Variants in DYNLRB1 observed in about 807,000 individuals in gnomAD.
The protein encoded by DYNLRB1 is dynein light chain roadblock-type 1, also known as ROBL/LC7-like 1.
DYNLRB1 carries 6 observed loss-of-function variants against 13.5 expected under a neutral mutation model. The ratio of observed to expected loss-of-function variants is 0.44; its 90% CI spans 0.24 to 0.88. The LOEUF (loss-of-function observed/expected upper bound fraction) is 0.88, where lower values mean the gene tolerates loss of function less well. Ranked by LOEUF, DYNLRB1 falls within the 40% of genes least tolerant of loss-of-function variation. The probability of loss-of-function intolerance (pLI) is 0.21; values close to 1 mark genes in which losing one functional copy is unlikely to be tolerated. For synonymous variants in DYNLRB1, 43 were observed against 45.0 expected (o/e 0.96, Z 0.18); for missense variants, 93 against 127.2 (o/e 0.73, Z 1.29).
At chr20:34,536,258 T>A in intron 3 of DYNLRB1, 5 of 985,416 alleles carry the variant, frequency 5.1e-6, no homozygotes, top group Non-Finnish European at 3.6e-6. Flanking sequence ...CCTGGGCAAG[T>A]CGCAGAACAC....
chr20:34,534,518 G>A (rs1980969022), intron 2 of DYNLRB1, 110 bp from the exon 3 acceptor site: 1 of 1,337,496 alleles, frequency 7.5e-7, no homozygotes, highest in Non-Finnish European at 1.0e-6. Context: ...TCTGCGGATG[G>A]TGGCATTGAC....
intron 2 of DYNLRB1, chr20:34,533,543 G>A (rs1041034882): frequency 3.6e-5 from 35 of 985,190 alleles, no homozygotes; most frequent in African/African-American, 1.6e-4. Flanking sequence ...GTTTGTGGCC[G>A]GGCGCGGTGG....
chr20:34,524,507 A>G (rs1352536331), intron 1 of DYNLRB1, among the ~76,000 whole-genome samples: 1 of 152,210 alleles, frequency 6.6e-6, no homozygotes, highest in Non-Finnish European at 1.5e-5. Flanking sequence ...GGGTAGAATG[A>G]GTACTGTCCA....
At chr20:34,517,192 A>G (rs926587518) in intron 1 of DYNLRB1, among the ~76,000 whole-genome samples, 6 of 152,350 alleles carry the variant, frequency 3.9e-5, no homozygotes, top group South Asian at 2.1e-4. Flanking sequence ...TTCAAATTTT[A>G]AGCCATGTGA....
In DYNLRB1 at chr20:34,529,908, T is replaced by A; in HGVS notation, c.79+3565T>A. 2.0e-6 allele frequency: 3 copies of A among 1,512,898 alleles called. No individual in the cohort carries two copies. In the South Asian group the frequency reaches 3.8e-5, roughly 19 times the overall value. 93.7% of individuals were successfully genotyped at this position (1,512,898 alleles called of 1,614,324 possible). A position where few individuals can be genotyped will look rare whatever the true frequency, so the allele number is the denominator to read the frequency against. ...CAGGAGCAGGCCCCCTGCTCAGGGC[T>A]GCCCCTGATCAGTTGGGTGGCCTGA... is the stretch of plus-strand genomic sequence containing the variant. On this transcript the variant is annotated intron_variant, in intron 2 of 3. Transcript: ENST00000357156.
At chr20:34,534,987 G>A (rs542547845) in intron 3 of DYNLRB1, 192 bp downstream of exon 3, 118 of 1,433,708 alleles carry the variant, frequency 8.2e-5, no homozygotes, top group African/African-American at 5.4e-4. Context: ...CCCAGGGACC[G>A]GCCCCAGAGG....
At chr20:34,528,311 CAAAAAAAAAAAAAAAAAAAA>C (rs59104612) in intron 2 of DYNLRB1, among the ~76,000 whole-genome samples, 2 of 5,204 alleles carry the variant, frequency 3.8e-4, no homozygotes, top group Admixed American at 5.0e-3. Context: ...GACTCCGTCT[CAAAAAAAAAAAAAAAAAAAA>C]AAAAAAAAAA....
intron 1 of DYNLRB1, among the ~76,000 whole-genome samples, chr20:34,525,344 T>G (rs1294855847): frequency 6.6e-6 from 1 of 152,174 alleles, no homozygotes; most frequent in Non-Finnish European, 1.5e-5. Flanking sequence ...TCTAGTTCAG[T>G]TAAGCGGTGT....
At chr20:34,539,018 CAAA>C (rs1309616045) in intron 3 of DYNLRB1, among the ~76,000 whole-genome samples, 1 of 152,168 alleles carries the variant, frequency 6.6e-6, no homozygotes. Flanking sequence ...GACCTGGACA[CAAA>C]GAAGCCTTGA....
chr20:34,537,657 C>T (rs1010549063), intron 3 of DYNLRB1, among the ~76,000 whole-genome samples: 35 of 152,182 alleles, frequency 2.3e-4, no homozygotes, highest in African/African-American at 7.7e-4. Flanking sequence ...GGAGCCACCA[C>T]GCAGAGCCTA....
chr20:34,520,169 C>A (rs1015566488), intron 1 of DYNLRB1, among the ~76,000 whole-genome samples: 2 of 152,094 alleles, frequency 1.3e-5, no homozygotes, highest in Non-Finnish European at 2.9e-5. Flanking sequence ...ACATATAATT[C>A]TCCTCGTCCA....
At chr20:34,525,985 A>G (rs914157644) in intron 1 of DYNLRB1, among the ~76,000 whole-genome samples, 1 of 152,170 alleles carries the variant, frequency 6.6e-6, no homozygotes, top group Non-Finnish European at 1.5e-5. Context: ...AATGGTGTTT[A>G]TATTCTGCTC....
chr20:34,529,305 T>A (rs976596200), intron 2 of DYNLRB1, among the ~76,000 whole-genome samples: 1 of 152,250 alleles, frequency 6.6e-6, no homozygotes, highest in Non-Finnish European at 1.5e-5. Flanking sequence ...TCAGTGCTCT[T>A]AGAGAGCCTC....
chr20:34,534,908 G>C (rs760118129), intron 3 of DYNLRB1, 113 bp downstream of exon 3: 2 of 1,559,774 alleles, frequency 1.3e-6, no homozygotes, highest in Non-Finnish European at 8.7e-7. Flanking sequence ...AGGGCCCGAG[G>C]AGTTGAAGGA....
chr20:34,517,014 GTTC>G, intron 1 of DYNLRB1: 1 of 1,223,962 alleles, frequency 8.2e-7, no homozygotes, highest in Non-Finnish European at 1.0e-6. Context: ...TGTCGGCGTG[GTTC>G]TTTCTAGCCG....
At position 34,540,189 on chromosome 20, in the gene DYNLRB1, C is replaced by CCCA. The variant is rs572339921; in HGVS notation, c.248-390_248-389insACC. The stretch of plus-strand genomic sequence containing the variant: ...CTAAATGATGGTTCTGGGCGTAGAG[C>CCCA]CCTCCAGGTGGTTGGGATGCCTGCT... On this transcript the variant is annotated intron_variant, in intron 3 of 3. Coordinates refer to ENST00000357156, the MANE Select transcript of DYNLRB1 (RefSeq NM_014183.4). 3.7e-3 allele frequency among the ~76,000 whole-genome samples: 562 copies of CCCA among 152,342 alleles called. 1 individual carries two copies. The highest frequency in any genetic ancestry group is 6.1e-3 in the Non-Finnish European group (416 of 68,024).
chr20:34,519,207 C>A (rs1369865063), intron 1 of DYNLRB1, among the ~76,000 whole-genome samples: 1 of 152,122 alleles, frequency 6.6e-6, no homozygotes, highest in African/African-American at 2.4e-5. Flanking sequence ...TGGGCGTAAA[C>A]CACCATGTAT....
intron 1 of DYNLRB1, among the ~76,000 whole-genome samples, chr20:34,518,806 C>G (rs985837196): frequency 6.6e-6 from 1 of 152,044 alleles, no homozygotes; most frequent in Non-Finnish European, 1.5e-5. Context: ...CTTTTTCTTA[C>G]TTAAACTGTA....
At chr20:34,538,330 G>A (rs1039241658) in intron 3 of DYNLRB1, among the ~76,000 whole-genome samples, 29 of 151,858 alleles carry the variant, frequency 1.9e-4, no homozygotes, top group African/African-American at 6.3e-4. Flanking sequence ...CCAGCTACTC[G>A]GGAGGCTGAG....
Sources: allele counts gnomAD v4.1 joint callset (sites outside exome capture counted in the v4.1 genomes callset), GRCh38; gene constraint gnomAD v4.1.1; transcripts MANE v1.5; gene names NCBI Gene and HGNC (gene_info 2026-07-23, HGNC 2026-07-21).